PDXDC1: variants seen among roughly 807,000 people sequenced by gnomAD.
The protein encoded by PDXDC1 is pyridoxal dependent decarboxylase domain containing 1.
A neutral mutation model predicts 100.1 loss-of-function variants in PDXDC1; 42 were observed. The observed-to-expected ratio is 0.42, with a 90% CI of 0.33 to 0.54. The LOEUF (loss-of-function observed/expected upper bound fraction) is 0.54, where lower values mean the gene tolerates loss of function less well. Ranked by LOEUF, PDXDC1 falls within the 20% of genes least tolerant of loss-of-function variation. The pLI is 0.10. For missense variants in PDXDC1, 636 were observed against 979.2 expected, an observed-to-expected ratio of 0.65 and a Z score of 4.68; for synonymous variants, 260 against 371.7, an observed-to-expected ratio of 0.70 and a Z score of 3.46.
chr16:15,124,664 TG>T lies in PDXDC1; in HGVS notation c.1400-14212del, dbSNP rs557581630. Among the ~76,000 whole-genome samples the T allele has an allele frequency of 5.4e-4, 81 of 151,322 alleles. No individual in the cohort carries two copies. The East Asian group carries it at 0.014, about 27-fold the overall frequency. ...GTGGGCGCCTGTAGTCCCACCTACTTGGGAGGCTGAGGCAGGAGAACAGTTT... is the reference window on the plus strand; with the variant it reads ...GTGGGCGCCTGTAGTCCCACCTACTTGGAGGCTGAGGCAGGAGAACAGTTT... On this transcript the variant is annotated intron_variant, in intron 16 of 16. Transcript: ENST00000535621.
At chr16:15,149,635 T>C in the PDXDC1 span, among the ~76,000 whole-genome samples, 152 of 152,206 alleles carry the variant, frequency 1.0e-3, no homozygotes, top group African/African-American at 3.6e-3. Flanking sequence ...GGGATGCAGG[T>C]GGGAAAGGGC....
At chr16:15,090,164 C>G (rs1157297081) in intron 16 of PDXDC1, among the ~76,000 whole-genome samples, 2 of 151,652 alleles carry the variant, frequency 1.3e-5, no homozygotes, top group African/African-American at 2.4e-5. Flanking sequence ...GAGCCCAGAT[C>G]ACACCACTGC....
At chr16:15,005,733 T>TCTGTCACCCAGGCTGG (rs1974119366) in intron 5 of PDXDC1, among the ~76,000 whole-genome samples, 1 of 152,276 alleles carries the variant, frequency 6.6e-6, no homozygotes, top group Admixed American at 6.5e-5. Flanking sequence ...GGAGTCTTAC[T>TCTGTCACCCAGGCTGG]CTGTCACCCA....
intron 16 of PDXDC1, among the ~76,000 whole-genome samples, chr16:15,056,472 A>G (rs2044527347): frequency 6.6e-6 from 1 of 152,210 alleles, no homozygotes; most frequent in African/African-American, 2.4e-5. Context: ...ATTGCATTCA[A>G]TGAGTAATAA....
At chr16:15,067,302 C>A (rs1013172696) in intron 16 of PDXDC1, among the ~76,000 whole-genome samples, 1 of 148,752 alleles carries the variant, frequency 6.7e-6, no homozygotes, top group African/African-American at 2.5e-5. Flanking sequence ...AGCAGAATAA[C>A]TTAGTGAAAG....
chr16:14,987,576 A>G (rs1243060772), intron 1 of PDXDC1, among the ~76,000 whole-genome samples: 3 of 152,286 alleles, frequency 2.0e-5, no homozygotes, highest in African/African-American at 7.2e-5. Context: ...ATTATTTGAC[A>G]TTCTTCCGAG....
intron 16 of PDXDC1, among the ~76,000 whole-genome samples, chr16:15,043,575 C>T (rs2043920249): frequency 2.6e-5 from 4 of 152,294 alleles, no homozygotes; most frequent in Admixed American, 2.0e-4. Flanking sequence ...CAGGCTGTAC[C>T]ATCATATGAG....
At chr16:15,140,447 C>CAA (rs888007915), downstream of PDXDC1, among the ~76,000 whole-genome samples, 248 of 38,968 alleles carry the variant, frequency 6.4e-3, 3 homozygotes, top group African/African-American at 0.019. Context: ...AGCTCCATCT[C>CAA]AAAAAAAAAA....
chr16:15,043,272 G>A (rs886761021), downstream of PDXDC1, among the ~76,000 whole-genome samples: 2 of 152,188 alleles, frequency 1.3e-5, no homozygotes, highest in African/African-American at 2.4e-5. Flanking sequence ...CTGACCTTAG[G>A]TGATCCACCT....
At chr16:14,984,650 C>T (rs543930827) in intron 1 of PDXDC1, among the ~76,000 whole-genome samples, 125 of 151,348 alleles carry the variant, frequency 8.3e-4, no homozygotes, top group African/African-American at 2.6e-3. Flanking sequence ...GGCACACCAC[C>T]ACGCCCAGGT....
At chr16:15,110,188 T>A (rs1191422403) in intron 16 of PDXDC1, among the ~76,000 whole-genome samples, 2 of 146,286 alleles carry the variant, frequency 1.4e-5, no homozygotes, top group Non-Finnish European at 3.0e-5. Context: ...GGAAAACCAA[T>A]GCCAGTACTA....
rs1329373090 is a variant in PDXDC1 at position 15,131,355 on chromosome 16, A to G, written c.1400-7524A>G. 8 of 1,571,344 alleles carry G rather than the reference A, an allele frequency of 5.1e-6. No individual in the cohort carries two copies. In the Admixed American group the frequency reaches 1.3e-4, roughly 26 times the overall value. ...TGGTGGAGACGGTGTAGTTGCTGATATAGCCAAAGGGAAAGGGATTGGAGT... is the reference window on the plus strand; with the variant it reads ...TGGTGGAGACGGTGTAGTTGCTGATGTAGCCAAAGGGAAAGGGATTGGAGT... On this transcript the variant is annotated intron_variant, in intron 16 of 16. Coordinates refer to the PDXDC1 transcript ENST00000535621.
chr16:15,124,610 T>C (rs1490880226), intron 16 of PDXDC1, among the ~76,000 whole-genome samples: 1 of 146,994 alleles, frequency 6.8e-6, no homozygotes, highest in Non-Finnish European at 1.5e-5. Flanking sequence ...CTGTGTCTAA[T>C]AAAATACAAA....
At position 15,033,222 on chromosome 16, in the gene PDXDC1, C is replaced by G. The variant is rs1260274794; in HGVS notation, c.1691-56C>G. On this transcript the variant is annotated intron_variant, in intron 18 of 22. Transcript: ENST00000396410. ...GACCCTGAACAGGAGAGTAGGTCCA[C>G]GTCTCACCCATGACAGAGGACTGAG... The G allele has an allele frequency of 2.4e-5, 39 of 1,597,026 alleles. No homozygotes were observed. In the South Asian group the frequency reaches 3.4e-4, roughly 14 times the overall value.
At chr16:15,146,907 G>C in the PDXDC1 span, among the ~76,000 whole-genome samples, 4 of 152,022 alleles carry the variant, frequency 2.6e-5, no homozygotes, top group African/African-American at 9.7e-5. Context: ...CACTTTACAG[G>C]TGAGGAAACT....
rs529262668 is a variant in PDXDC1 at position 15,077,652 on chromosome 16, T to C, written c.1399+47596T>C. 2.0e-5 allele frequency among the ~76,000 whole-genome samples: 3 copies of C among 152,230 alleles called. No homozygotes were observed. In the South Asian group the frequency reaches 6.2e-4, roughly 32 times the overall value. ...GTCAGGAGATTGAGACCATCCTGGC[T>C]AACACGGTGAAACCCCATCTCTACT... is the stretch of plus-strand genomic sequence containing the variant. On this transcript the variant is annotated intron_variant, in intron 16 of 16. Coordinates refer to the PDXDC1 transcript ENST00000535621.
At chr16:15,024,502 G>A (rs572678398) in intron 13 of PDXDC1, among the ~76,000 whole-genome samples, 2 of 152,152 alleles carry the variant, frequency 1.3e-5, no homozygotes, top group Admixed American at 6.6e-5. Context: ...CGCCTCCTGG[G>A]TCCCTGTTCA....
chr16:15,037,832 C>T lies in PDXDC1; in HGVS notation c.*1557C>T, dbSNP rs959609504. 2.1e-5 allele frequency: 10 copies of T among 474,460 alleles called. No individual in the cohort carries two copies. The highest frequency in any genetic ancestry group is 1.6e-4 in the East Asian group (5 of 30,434). 29.4% of individuals were successfully genotyped at this position (474,460 alleles called of 1,614,324 possible). A position where few individuals can be genotyped will look rare whatever the true frequency, so the allele number is the denominator to read the frequency against. On this transcript the variant is annotated 3_prime_UTR_variant, in exon 23 of 23. Coordinates refer to ENST00000396410, the MANE Select transcript of PDXDC1 (RefSeq NM_015027.4). ...ACTGGACATCAATTTTTTAGTAAAC[C>T]AAAAAATAAGTCTCAACAAATGCCT...
At chr16:15,022,362 G>A (rs1381964778) in intron 12 of PDXDC1, among the ~76,000 whole-genome samples, 2 of 151,994 alleles carry the variant, frequency 1.3e-5, no homozygotes, top group African/African-American at 4.9e-5. Flanking sequence ...TGAGCGTGCT[G>A]CATCCTCTCA....
Sources: allele counts gnomAD v4.1 joint callset (sites outside exome capture counted in the v4.1 genomes callset), GRCh38; gene constraint gnomAD v4.1.1; transcripts MANE v1.5; gene names NCBI Gene and HGNC (gene_info 2026-07-23, HGNC 2026-07-21).